Variants in SACS observed in about 807,000 individuals in gnomAD.
SACS encodes the protein sacsin.
Under a neutral mutation model 348.0 loss-of-function variants are expected in SACS, and 197 were observed. The observed-to-expected ratio is 0.57, with a 90% CI of 0.50 to 0.64. SACS has a LOEUF of 0.64. SACS is among the 30% of genes least tolerant of loss of function. The pLI is 0.00. For synonymous variants in SACS, 1,985 were observed against 1,910.6 expected (o/e 1.04, Z -1.02); for missense variants, 4,999 against 5,360.8 (o/e 0.93, Z 2.11).
At position 23,355,681 on chromosome 13, in the gene SACS, T is replaced by C; in HGVS notation, c.931A>G (p.Lys311Glu). Residue 311 changes from lysine to glutamate, a missense_variant, in exon 8 of 10, where the codon AAA becomes GAA. Transcript: ENST00000382292. ...ADADTVLLFL[K>E]SVQDVSLYVR... ...TATAAGGAAACATCCTGCACACTTT[T>C]CAGAAAGAGCAGCACTGTGTCTGCA... is the stretch of plus-strand genomic sequence containing the variant. 1 of 1,614,124 alleles carries C rather than the reference T, an allele frequency of 6.2e-7. No individual in the cohort carries two copies.
At chr13:23,367,792 C>T (rs1871149722) in intron 5 of SACS, among the ~76,000 whole-genome samples, 1 of 152,080 alleles carries the variant, frequency 6.6e-6, no homozygotes, top group African/African-American at 2.4e-5. Flanking sequence ...CGGGGTTTCG[C>T]CAAGTTGGCC....
intron 2 of SACS, among the ~76,000 whole-genome samples, chr13:23,397,524 T>A (rs1872756604): frequency 6.6e-6 from 1 of 152,208 alleles, no homozygotes; most frequent in African/African-American, 2.4e-5. Context: ...CTTAGTAACA[T>A]ATTTTAAAAA....
In SACS at chr13:23,336,546, A is replaced by C. The variant is rs750403051; in HGVS notation, c.7330T>G (p.Cys2444Gly). The change falls in exon 10 of 10, where the codon TGT becomes GGT. Residue 2444 changes from cysteine to glycine, a missense_variant. By Grantham distance (159) the Cys-to-Gly change is radical. Transcript: ENST00000382292. ...SLIREKKQEF[C>G]EKNYGKILLP... ...AATATCTTGCCATAATTTTTCTCACAAAATTCTTGTTTCTTTTCTCTAATG... is the reference window on the plus strand; with the variant it reads ...AATATCTTGCCATAATTTTTCTCACCAAATTCTTGTTTCTTTTCTCTAATG... The C allele has an allele frequency of 1.2e-6, 2 of 1,613,828 alleles. No homozygotes were observed. Among genetic ancestry groups the C allele is most frequent in the Non-Finnish European group, 1.7e-6 (2 of 1,179,862 alleles).
chr13:23,331,603 T>C lies in SACS; in HGVS notation c.12273A>G (p.Ser4091=). ...ACAGGAAATTAATGTCTTTACTGTC[T>C]GAATGTTGAATGTAGAGCAAGATGA... ...NAVILLYIQH[S]DSKDINFLLA... Residue 4091 remains serine (S), a synonymous_variant, in exon 10 of 10, where the codon TCA becomes TCG. Coordinates refer to ENST00000382292, the MANE Select transcript of SACS (RefSeq NM_014363.6). 1 of 1,613,972 alleles carries C rather than the reference T, an allele frequency of 6.2e-7. No homozygotes were observed. Among genetic ancestry groups the C allele is most frequent in the South Asian group, 1.1e-5 (1 of 91,070 alleles).
At chr13:23,370,963 G>T in intron 4 of SACS, 115 bp downstream of exon 4, 1 of 570,752 alleles carries the variant, frequency 1.8e-6, no homozygotes, top group Non-Finnish European at 3.1e-6. Flanking sequence ...CTGCACTCCA[G>T]CCTGGGCGAT....
chr13:23,396,791 A>G (rs1010532118), intron 2 of SACS, among the ~76,000 whole-genome samples: 18 of 152,228 alleles, frequency 1.2e-4, no homozygotes, highest in Admixed American at 1.1e-3. Flanking sequence ...GATGATGGCT[A>G]GCTTTGTATA....
intron 2 of SACS, among the ~76,000 whole-genome samples, chr13:23,398,812 A>G (rs1478114948): frequency 1.3e-5 from 2 of 151,378 alleles, no homozygotes; most frequent in South Asian, 2.1e-4. Context: ...TTTTTATTGG[A>G]CTTAAAAGGA....
At chr13:23,409,948 A>G (rs1873414809) in intron 2 of SACS, among the ~76,000 whole-genome samples, 1 of 152,224 alleles carries the variant, frequency 6.6e-6, no homozygotes, top group South Asian at 2.1e-4. Context: ...GTCAGCGTCA[A>G]TGATTCTACA....
rs1424646124 is a variant in SACS, at chr13:23,358,338, T to A, written c.601A>T (p.Thr201Ser). 4.6e-5 allele frequency: 74 copies of A among 1,613,936 alleles called. No individual in the cohort carries two copies. The highest frequency in any genetic ancestry group is 6.2e-5 in the Non-Finnish European group (73 of 1,179,800). Residue 201 changes from threonine to serine, a missense_variant, in exon 7 of 10, where the codon ACA (threonine) becomes TCA (serine). Around this residue, in one of 6 missense-constraint regions of SACS, gnomAD observed 3,156 missense variants for 3,380.1 expected, o/e 0.93. Coordinates refer to ENST00000382292, the MANE Select transcript of SACS (RefSeq NM_014363.6). ...ACCGAAAAGCCTAATACTCTACCTGTTATATGATAGACAGAATTAAACCCA... is the reference window on the plus strand; with the variant it reads ...ACCGAAAAGCCTAATACTCTACCTGATATATGATAGACAGAATTAAACCCA... ...GIGFNSVYHI[T>S]DVPCIFSGDQ...
At position 23,337,361 on chromosome 13, in the gene SACS, T is replaced by G. The variant is rs1566065814; in HGVS notation, c.6515A>C (p.Glu2172Ala). The G allele has an allele frequency of 6.2e-7, 1 of 1,613,988 alleles. No individual in the cohort carries two copies. The highest frequency in any genetic ancestry group is 1.7e-5 in the Admixed American group (1 of 60,008). ...AGCAACATGATCACTTTTATTAATT[T>G]CAGCTACTGACACTGCACGTTCTAG... ...DMLERAVSVA[E>A]INKSDHVAAC... is the part of the protein sequence containing the mutation. Residue 2172 changes from glutamate (E) to alanine (A), a missense_variant, in exon 10 of 10, where the codon GAA (glutamate) becomes GCA (alanine). Physicochemically the swap from Glu to Ala is moderately radical, Grantham distance 107. Coordinates refer to ENST00000382292, the MANE Select transcript of SACS (RefSeq NM_014363.6).
Position 23,332,108 on chromosome 13 carries a change from A to C in SACS, c.11768T>G (p.Val3923Gly). ...TTTATAATGTGGCGCATCGTCAAAC[A>C]CTAAGATGCTTGACTTTACCAATCT... ...DGRLVKSSILVFDDAPHYKSR... is the reference protein window; with the variant it reads ...DGRLVKSSILGFDDAPHYKSR... Residue 3923 changes from valine to glycine, a missense_variant, in exon 10 of 10, where the codon GTG becomes GGG. By Grantham distance (109) the Val-to-Gly change is moderately radical. Transcript: ENST00000382292. 6.2e-7 allele frequency: 1 copy of C among 1,614,058 alleles called. No homozygotes were observed. The highest frequency in any genetic ancestry group is 2.2e-5 in the East Asian group (1 of 44,878).
Position 23,329,965 on chromosome 13 carries a change from G to A in SACS, c.*171C>T. ...TCAAAATAGTTTTCTTTTAGATTCA[G>A]TTAAGGTTTTCCGTTGGTATTCATG... On this transcript the variant is annotated 3_prime_UTR_variant, in exon 10 of 10. Transcript: ENST00000382292. 1.5e-6 allele frequency: 1 copy of A among 651,468 alleles called. No individual in the cohort carries two copies. The highest frequency in any genetic ancestry group is 2.6e-6 in the Non-Finnish European group (1 of 380,932). The allele number at this position is 651,468 out of a possible 1,614,324, so 40.4% of individuals were successfully genotyped here.
Position 23,334,228 on chromosome 13 carries a change from A to G in SACS, c.9648T>C (p.Asp3216=). The change falls in exon 10 of 10, where the codon GAT becomes GAC. Residue 3216 remains aspartate (D), a synonymous_variant. Coordinates refer to ENST00000382292, the MANE Select transcript of SACS (RefSeq NM_014363.6). ...CTCGAGGCAACACAGAGGATAACAA[A>G]TCAGCAAAGCTGGAAATGTCAAACA... ...AKVFDISSFA[D]LLSSVLPREY... is the part of the protein sequence containing the mutation. 6.2e-7 allele frequency: 1 copy of G among 1,613,754 alleles called. No homozygotes were observed. The highest frequency in any genetic ancestry group is 1.7e-5 in the Admixed American group (1 of 59,932).
At chr13:23,402,246 T>C (rs1302030343) in intron 2 of SACS, among the ~76,000 whole-genome samples, 2 of 151,882 alleles carry the variant, frequency 1.3e-5, no homozygotes, top group Non-Finnish European at 1.5e-5. Context: ...ATTGCTAACC[T>C]TAGATCAAGC....
At chr13:23,409,234 T>C (rs1363708473) in intron 2 of SACS, among the ~76,000 whole-genome samples, 3 of 148,912 alleles carry the variant, frequency 2.0e-5, no homozygotes, top group Non-Finnish European at 3.0e-5. Context: ...TTTTTAGTAT[T>C]TTAGTAGAGA....
At chr13:23,367,656 G>T (rs909325755) in intron 5 of SACS, among the ~76,000 whole-genome samples, 4 of 152,052 alleles carry the variant, frequency 2.6e-5, no homozygotes, top group Non-Finnish European at 5.9e-5. Context: ...GTGCAGTGGC[G>T]CAATCTCGGC....
chr13:23,374,950 C>G (rs1409403780), intron 3 of SACS, among the ~76,000 whole-genome samples, 169 bp downstream of exon 3: 2 of 152,240 alleles, frequency 1.3e-5, no homozygotes, highest in South Asian at 2.1e-4. Flanking sequence ...GGGATGCAAA[C>G]GGAAAAGGCA....
At chr13:23,370,753 A>G (rs1566089303) in intron 4 of SACS, among the ~76,000 whole-genome samples, 1 of 152,224 alleles carries the variant, frequency 6.6e-6, no homozygotes, top group Non-Finnish European at 1.5e-5. Context: ...ACTTGAGGTC[A>G]GGAGTTCAAG....
chr13:23,359,445 T>C (rs1307465651), intron 6 of SACS, among the ~76,000 whole-genome samples: 1 of 152,184 alleles, frequency 6.6e-6, no homozygotes, highest in Non-Finnish European at 1.5e-5. Context: ...GATTGTTCTA[T>C]ACAAGGCATT....
Sources: gnomAD v4.1 joint callset for allele counts (sites outside exome capture counted in the v4.1 genomes callset) on GRCh38, gnomAD v4.1.1 for gene constraint, gnomAD v4.1.1 regional missense constraint, MANE v1.5 for transcripts, NCBI Gene and HGNC (gene_info 2026-07-23, HGNC 2026-07-21) for gene names.